The following TMEM200A variants were observed in gnomAD, a reference collection of about 807,000 sequenced individuals.
The protein encoded by TMEM200A is transmembrane protein 200A.
In TMEM200A, 12 loss-of-function variants were observed where a neutral mutation model predicts 24.3. The observed-to-expected ratio is 0.49, with a 90% CI of 0.32 to 0.80. The LOEUF is 0.80. TMEM200A is among the 30% of genes least tolerant of loss of function. TMEM200A has a pLI of 0.04. For synonymous variants in TMEM200A, 224 were observed against 224.4 expected (o/e 1.00, Z 0.02); for missense variants, 545 against 614.4 (o/e 0.89, Z 1.19).
rs180994976 is a variant in TMEM200A at position 130,402,011 on chromosome 6, T to C, written c.-17+16775T>C. ...TCTGTTTGCTGTTTGTGCCCTAATGTTGACTATCGTGGCTTTGCCTTACAG... is the reference window on the plus strand; with the variant it reads ...TCTGTTTGCTGTTTGTGCCCTAATGCTGACTATCGTGGCTTTGCCTTACAG... On this transcript the variant is annotated intron_variant, in intron 2 of 2. Coordinates refer to ENST00000296978, the MANE Select transcript of TMEM200A (RefSeq NM_001258277.2). Among the ~76,000 whole-genome samples, 174 of 152,042 alleles carry C rather than the reference T, an allele frequency of 1.1e-3. 1 individual carries two copies. Among genetic ancestry groups the C allele is most frequent in the Non-Finnish European group, 1.0e-4 (7 of 67,914 alleles).
chr6:130,398,952 T>G (rs1320392984), intron 2 of TMEM200A, among the ~76,000 whole-genome samples: 2 of 152,090 alleles, frequency 1.3e-5, no homozygotes, highest in Non-Finnish European at 2.9e-5. Flanking sequence ...TTAGTAGTTA[T>G]TTCATAGTAG....
Position 130,366,472 on chromosome 6 carries a change from G to C in TMEM200A, c.-133G>C. Reference sequence around the variant, plus strand: ...CCGACAGCTCCTGGAGTGAGACCAGGACTGAGAACAGGGAGAGGCGACCCG... The same window carrying C: ...CCGACAGCTCCTGGAGTGAGACCAGCACTGAGAACAGGGAGAGGCGACCCG... On this transcript the variant is annotated 5_prime_UTR_variant, in exon 1 of 3. Coordinates refer to ENST00000296978, the MANE Select transcript of TMEM200A (RefSeq NM_001258277.2). This position sits in a 1 kb window ranked among gnomAD's most constrained non-coding sequence, Gnocchi z 4.4. 1.0e-6 allele frequency: 1 copy of C among 985,972 alleles called. No homozygotes were observed. Among genetic ancestry groups the C allele is most frequent in the Non-Finnish European group, 1.2e-6 (1 of 830,342 alleles). 61.1% of individuals were successfully genotyped at this position (985,972 alleles called of 1,614,324 possible).
At chr6:130,377,756 A>G (rs1342212234) in intron 1 of TMEM200A, among the ~76,000 whole-genome samples, 2 of 152,220 alleles carry the variant, frequency 1.3e-5, no homozygotes, top group Non-Finnish European at 2.9e-5. Flanking sequence ...AATCTGAAAC[A>G]AAACAAAGTT....
At chr6:130,381,358 G>A (rs73611661) in intron 1 of TMEM200A, among the ~76,000 whole-genome samples, 7 of 152,122 alleles carry the variant, frequency 4.6e-5, no homozygotes, top group Admixed American at 1.3e-4. Flanking sequence ...CCTCTTGCCT[G>A]CCCCTAACAA....
chr6:130,375,395 G>A (rs989261780), intron 1 of TMEM200A, among the ~76,000 whole-genome samples: 1 of 152,160 alleles, frequency 6.6e-6, no homozygotes, highest in Non-Finnish European at 1.5e-5. Flanking sequence ...CTTGGCTCAG[G>A]AGAAGGTTTA....
rs762079291 is a variant in TMEM200A, at chr6:130,366,713, G to A, written c.-81+189G>A. 4.1e-4 allele frequency among the ~76,000 whole-genome samples: 63 copies of A among 152,154 alleles called. No individual in the cohort carries two copies. The highest frequency in any genetic ancestry group is 8.8e-5 in the Non-Finnish European group (6 of 68,014). On this transcript the variant is annotated intron_variant, in intron 1 of 2. Coordinates refer to ENST00000296978, the MANE Select transcript of TMEM200A (RefSeq NM_001258277.2). This position sits in a 1 kb window ranked among gnomAD's most constrained non-coding sequence, Gnocchi z 4.4. Reference sequence around the variant, plus strand: ...TCCGCCATCAGGTCCAGACTCCCCAGTCCCGGGAGCGCGAGAGAAGCCGTG... The same window carrying A: ...TCCGCCATCAGGTCCAGACTCCCCAATCCCGGGAGCGCGAGAGAAGCCGTG...
chr6:130,415,252 C>T (rs1415752788), intron 2 of TMEM200A, among the ~76,000 whole-genome samples: 8 of 152,078 alleles, frequency 5.3e-5, no homozygotes, highest in Non-Finnish European at 1.2e-4. Context: ...AAGGTTTGAC[C>T]TCAAAGAGAG....
intron 2 of TMEM200A, among the ~76,000 whole-genome samples, chr6:130,430,904 G>A (rs577138241): frequency 2.6e-5 from 4 of 152,106 alleles, no homozygotes; most frequent in Non-Finnish European, 5.9e-5. Context: ...ACCATCAATT[G>A]GAAAACTTCT....
At chr6:130,383,787 C>T (rs1189090237) in intron 1 of TMEM200A, among the ~76,000 whole-genome samples, 1 of 152,028 alleles carries the variant, frequency 6.6e-6, no homozygotes, top group Non-Finnish European at 1.5e-5. Context: ...CCATGGGACC[C>T]ATAGAACCTC....
chr6:130,376,781 G>C (rs929885553), intron 1 of TMEM200A, among the ~76,000 whole-genome samples: 1 of 151,270 alleles, frequency 6.6e-6, no homozygotes. Flanking sequence ...TTTCTCCCTG[G>C]TTAAGTAGGA....
chr6:130,439,669 C>T (rs930767294), intron 2 of TMEM200A, among the ~76,000 whole-genome samples: 3 of 152,082 alleles, frequency 2.0e-5, no homozygotes, highest in Non-Finnish European at 2.9e-5. Flanking sequence ...TGACCAAGAA[C>T]AAGACTCTAG....
At chr6:130,387,155 G>A (rs1297691968) in intron 2 of TMEM200A, among the ~76,000 whole-genome samples, 1 of 152,182 alleles carries the variant, frequency 6.6e-6, no homozygotes, top group Non-Finnish European at 1.5e-5. Flanking sequence ...TGCCTAAGAG[G>A]AAAGGATGTT....
chr6:130,426,134 G>A (rs976713352), intron 2 of TMEM200A, among the ~76,000 whole-genome samples: 6 of 152,268 alleles, frequency 3.9e-5, no homozygotes, highest in Middle Eastern at 6.8e-3. Context: ...AAAGTCAAAT[G>A]TAAATATTCC....
chr6:130,393,464 GT>G (rs1294501588), intron 2 of TMEM200A, among the ~76,000 whole-genome samples: 39 of 152,314 alleles, frequency 2.6e-4, no homozygotes, highest in African/African-American at 8.2e-4. Flanking sequence ...AATATCAGAG[GT>G]GGGTGTGCAA....
intron 2 of TMEM200A, among the ~76,000 whole-genome samples, chr6:130,425,213 A>G (rs1243716199): frequency 6.6e-6 from 1 of 152,188 alleles, no homozygotes; most frequent in East Asian, 1.9e-4. Context: ...TTCTGCAGAA[A>G]TCAATGTTAA....
intron 2 of TMEM200A, among the ~76,000 whole-genome samples, chr6:130,396,624 A>G (rs866540428): frequency 1.7e-4 from 26 of 152,136 alleles, no homozygotes; most frequent in Middle Eastern, 6.8e-3. Context: ...ATATACACAC[A>G]TATTGTATAT....
chr6:130,372,796 A>G (rs1778353430), intron 1 of TMEM200A, among the ~76,000 whole-genome samples: 1 of 152,218 alleles, frequency 6.6e-6, no homozygotes, highest in Admixed American at 6.5e-5. Context: ...GAGGAAGGGG[A>G]ATGAGAAGGT....
intron 1 of TMEM200A, among the ~76,000 whole-genome samples, chr6:130,380,653 T>A (rs1217741357): frequency 6.6e-6 from 1 of 152,220 alleles, no homozygotes; most frequent in East Asian, 1.9e-4. Flanking sequence ...ATCCTTGTTC[T>A]TATTTTCCTA....
At chr6:130,409,890 C>T (rs958776946) in intron 2 of TMEM200A, among the ~76,000 whole-genome samples, 2 of 151,318 alleles carry the variant, frequency 1.3e-5, no homozygotes, top group East Asian at 1.9e-4. Flanking sequence ...CAATGAATCA[C>T]GTTCTTGAAG....
Sources: allele counts gnomAD v4.1 joint callset (sites outside exome capture counted in the v4.1 genomes callset), GRCh38; gene constraint gnomAD v4.1.1; non-coding constraint Gnocchi (gnomAD v3.1); transcripts MANE v1.5; gene names NCBI Gene and HGNC (gene_info 2026-07-23, HGNC 2026-07-21).